Variants in B4GALT1 observed in about 807,000 individuals in gnomAD.
B4GALT1 encodes N-acetyllactosamine synthase.
Under a neutral mutation model 34.9 loss-of-function variants are expected in B4GALT1, and 16 were observed. The observed-to-expected ratio is 0.46, with a 90% CI of 0.31 to 0.70. The LOEUF is 0.70. Among genes scored for constraint, B4GALT1 ranks in the 30% least tolerant of loss-of-function variants. B4GALT1 has a pLI of 0.05. For missense variants in B4GALT1, 445 were observed against 530.5 expected, an observed-to-expected ratio of 0.84 and a Z score of 1.58; for synonymous variants, 221 against 218.1, an observed-to-expected ratio of 1.01 and a Z score of -0.12.
chr9:33,168,919 A>G (rs558057750), upstream of B4GALT1, among the ~76,000 whole-genome samples: 2 of 152,270 alleles, frequency 1.3e-5, no homozygotes, highest in Non-Finnish European at 2.9e-5. Flanking sequence ...AGAGAGTGAT[A>G]CTATTGTTTA....
upstream of B4GALT1, among the ~76,000 whole-genome samples, chr9:33,169,423 A>T (rs1840818708): frequency 6.6e-6 from 1 of 152,114 alleles, no homozygotes; most frequent in Non-Finnish European, 1.5e-5. Context: ...TATTTCATTC[A>T]ATTCAGGTCT....
the B4GALT1 span, among the ~76,000 whole-genome samples, chr9:33,183,921 A>G: frequency 6.6e-6 from 1 of 151,746 alleles, no homozygotes; most frequent in East Asian, 1.9e-4. Flanking sequence ...ACAGGAACAG[A>G]AAACCAAACA....
chr9:33,182,860 C>T, the B4GALT1 span, among the ~76,000 whole-genome samples: 1 of 151,850 alleles, frequency 6.6e-6, no homozygotes, highest in Non-Finnish European at 1.5e-5. Context: ...TAAAAATATA[C>T]AAAAATAGAG....
At chr9:33,181,962 C>CT in the B4GALT1 span, among the ~76,000 whole-genome samples, 9 of 142,254 alleles carry the variant, frequency 6.3e-5, no homozygotes, top group East Asian at 4.0e-4. Flanking sequence ...TCTTTTCTTT[C>CT]TTTTTTTTTT....
intron 1 of B4GALT1, among the ~76,000 whole-genome samples, chr9:33,145,802 G>A (rs1220172410): frequency 6.6e-6 from 1 of 152,200 alleles, no homozygotes; most frequent in Non-Finnish European, 1.5e-5. Context: ...CTGTACCCAC[G>A]GGGATTCTGT....
chr9:33,115,848 G>A (rs898519215), intron 4 of B4GALT1, 143 bp downstream of exon 4: 3 of 1,084,572 alleles, frequency 2.8e-6, no homozygotes, highest in Non-Finnish European at 4.1e-6. Flanking sequence ...TGCAGGACCT[G>A]TAGGAAGCCA....
intron 3 of B4GALT1, among the ~76,000 whole-genome samples, chr9:33,116,543 A>T (rs534098631): frequency 0.03 from 1,084 of 35,952 alleles, 20 homozygotes; most frequent in African/African-American, 0.056. Flanking sequence ...TTTTTTTTGA[A>T]GGAGTCTCGC....
intron 1 of B4GALT1, among the ~76,000 whole-genome samples, chr9:33,162,070 C>A (rs1195899932): frequency 6.6e-6 from 1 of 152,130 alleles, no homozygotes; most frequent in Non-Finnish European, 1.5e-5. Flanking sequence ...TTAGCTTAGT[C>A]CCAGCCTGGA....
At chr9:33,118,554 C>T (rs1189118540) in intron 3 of B4GALT1, among the ~76,000 whole-genome samples, 1 of 151,610 alleles carries the variant, frequency 6.6e-6, no homozygotes, top group African/African-American at 2.4e-5. Flanking sequence ...CCTGTGGTCC[C>T]AGCTACTAGG....
In B4GALT1 at chr9:33,149,884, A is replaced by C. The variant is rs541751873; in HGVS notation, c.413-14460T>G. Among the ~76,000 whole-genome samples the C allele has an allele frequency of 2.6e-5, 4 of 152,254 alleles. No individual in the cohort carries two copies. In the South Asian group the frequency reaches 6.2e-4, roughly 24 times the overall value. Reference sequence around the variant, plus strand: ...TGTCATGAAATCCAAAGGGCTTGGGAATTATTTCAGATTACAAGACACTAA... The same window carrying C: ...TGTCATGAAATCCAAAGGGCTTGGGCATTATTTCAGATTACAAGACACTAA... On this transcript the variant is annotated intron_variant, in intron 1 of 5. Coordinates refer to ENST00000379731, the MANE Select transcript of B4GALT1 (RefSeq NM_001497.4).
intron 1 of B4GALT1, among the ~76,000 whole-genome samples, chr9:33,137,597 C>T (rs1340450679): frequency 6.6e-6 from 1 of 152,234 alleles, no homozygotes; most frequent in Non-Finnish European, 1.5e-5. Context: ...AAACCTATCA[C>T]AAGAATTGCT....
upstream of B4GALT1, among the ~76,000 whole-genome samples, chr9:33,171,741 G>C (rs988500767): frequency 5.3e-5 from 8 of 152,084 alleles, no homozygotes; most frequent in Non-Finnish European, 1.2e-4. Context: ...TTTTAGTAGA[G>C]ATGAGATGTT....
chr9:33,107,623 G>A (rs766039283), downstream of B4GALT1, among the ~76,000 whole-genome samples: 2 of 152,198 alleles, frequency 1.3e-5, no homozygotes, highest in South Asian at 4.1e-4. Context: ...TGGGGGATCT[G>A]GTGATTACTC....
intron 3 of B4GALT1, among the ~76,000 whole-genome samples, chr9:33,118,660 C>T (rs900738507): frequency 6.6e-6 from 1 of 151,500 alleles, no homozygotes; most frequent in Non-Finnish European, 1.5e-5. Context: ...ACAAGCAAGA[C>T]TCTGTCTCAA....
At chr9:33,141,372 A>C (rs970526177) in intron 1 of B4GALT1, among the ~76,000 whole-genome samples, 1 of 151,942 alleles carries the variant, frequency 6.6e-6, no homozygotes, top group African/African-American at 2.4e-5. Context: ...AAATACAAAA[A>C]TTAACCGGGT....
intron 3 of B4GALT1, among the ~76,000 whole-genome samples, chr9:33,117,368 T>G (rs1351448502): frequency 6.6e-6 from 1 of 152,276 alleles, no homozygotes; most frequent in Non-Finnish European, 1.5e-5. Flanking sequence ...GCTCTCATCC[T>G]TCCAAAACTT....
At chr9:33,104,802 C>T (rs983314096) in intron 2 of B4GALT1, 3 of 434,040 alleles carry the variant, frequency 6.9e-6, no homozygotes, top group Admixed American at 2.8e-5. Context: ...ATACACATAA[C>T]AGAAAATGCA....
At chr9:33,150,065 A>T (rs1840487647) in intron 1 of B4GALT1, among the ~76,000 whole-genome samples, 1 of 151,886 alleles carries the variant, frequency 6.6e-6, no homozygotes, top group South Asian at 2.1e-4. Context: ...TTATATATAT[A>T]TTTTTAAATC....
chr9:33,150,247 C>CACACAA (rs1403922632), intron 1 of B4GALT1, among the ~76,000 whole-genome samples: 7 of 149,836 alleles, frequency 4.7e-5, no homozygotes, highest in Non-Finnish European at 5.9e-5. Context: ...CACACACACA[C>CACACAA]ACACACACAC....
Sources: gnomAD v4.1 joint callset for allele counts (sites outside exome capture counted in the v4.1 genomes callset) on GRCh38, gnomAD v4.1.1 for gene constraint, MANE v1.5 for transcripts, NCBI Gene and HGNC (gene_info 2026-07-23, HGNC 2026-07-21) for gene names.